FRAS1: variants seen among roughly 807,000 people sequenced by gnomAD.
FRAS1 encodes the protein Fraser extracellular matrix complex subunit 1.
A neutral mutation model predicts 435.2 loss-of-function variants in FRAS1; 290 were observed. The ratio of observed to expected loss-of-function variants is 0.67; its 90% CI spans 0.61 to 0.73. The LOEUF (loss-of-function observed/expected upper bound fraction) is 0.73. FRAS1 is among the 30% of genes least tolerant of loss of function. The pLI, the probability that FRAS1 is intolerant of heterozygous loss-of-function variation, is 0.00. For missense variants in FRAS1, 4,860 were observed against 5,001.5 expected, an observed-to-expected ratio of 0.97 and a Z score of 0.85; for synonymous variants, 1,800 against 1,851.0, an observed-to-expected ratio of 0.97 and a Z score of 0.71.
chr4:78,318,667 T>C (rs1305397097), intron 17 of FRAS1, 143 bp from the exon 18 acceptor site: 6 of 755,808 alleles, frequency 7.9e-6, no homozygotes, highest in African/African-American at 1.8e-5. Flanking sequence ...ATTATCACTC[T>C]GTGCTTTGTA....
chr4:78,245,650 G>A (rs75623799), intron 4 of FRAS1, among the ~76,000 whole-genome samples: 3,388 of 152,226 alleles, frequency 0.022, 60 homozygotes, highest in Non-Finnish European at 0.032. Context: ...TCCTGAGCTG[G>A]TGAGTAGAGC....
At position 78,127,348 on chromosome 4, in the gene FRAS1, A is replaced by G. The variant is rs1026234640; in HGVS notation, c.108+61332A>G. Among the ~76,000 whole-genome samples, 15 of 152,290 alleles carry G rather than the reference A, an allele frequency of 9.8e-5. 1 individual carries two copies. The highest frequency in any genetic ancestry group is 3.6e-4 in the African/African-American group (15 of 41,556). ...TTTTAAGGGCTTTGGACTCTATCTCATGGAAATAGGAATTACTGTAGAGTT... is the reference window on the plus strand; with the variant it reads ...TTTTAAGGGCTTTGGACTCTATCTCGTGGAAATAGGAATTACTGTAGAGTT... On this transcript the variant is annotated intron_variant, in intron 2 of 73. Transcript: ENST00000512123.
intron 20 of FRAS1, among the ~76,000 whole-genome samples, chr4:78,361,134 A>G (rs962077099): frequency 6.6e-5 from 10 of 152,236 alleles, no homozygotes; most frequent in Admixed American, 2.0e-4. Flanking sequence ...TAAGGTAGTC[A>G]TAAAACACTA....
At chr4:78,428,765 G>T (rs889593949) in intron 35 of FRAS1, among the ~76,000 whole-genome samples, 2 of 152,068 alleles carry the variant, frequency 1.3e-5, no homozygotes, top group Admixed American at 6.5e-5. Context: ...AGCATCTATG[G>T]GTGCAGATTT....
At chr4:78,126,441 G>T (rs1475887111) in intron 2 of FRAS1, among the ~76,000 whole-genome samples, 6 of 152,208 alleles carry the variant, frequency 3.9e-5, no homozygotes, top group Non-Finnish European at 8.8e-5. Flanking sequence ...AGATGAACCA[G>T]GTTCCTCAGT....
intron 2 of FRAS1, among the ~76,000 whole-genome samples, chr4:78,175,367 C>A (rs1721724206): frequency 6.6e-6 from 1 of 152,176 alleles, no homozygotes; most frequent in African/African-American, 2.4e-5. Flanking sequence ...GCAACATCTC[C>A]CATCTGTGTG....
intron 2 of FRAS1, among the ~76,000 whole-genome samples, chr4:78,075,139 G>A (rs1175488023): frequency 6.6e-6 from 1 of 152,184 alleles, no homozygotes; most frequent in African/African-American, 2.4e-5. Flanking sequence ...GATAAGAAAG[G>A]CCTGGAGTTA....
chr4:78,112,345 A>G (rs991466930), intron 2 of FRAS1, among the ~76,000 whole-genome samples: 3 of 152,294 alleles, frequency 2.0e-5, no homozygotes, highest in Middle Eastern at 3.4e-3. Context: ...ACATATTTAC[A>G]TTTAGACTTA....
In FRAS1 at chr4:78,218,189, T is replaced by C. The variant is rs566930621; in HGVS notation, c.109-19321T>C. On this transcript the variant is annotated intron_variant, in intron 2 of 73. Transcript: ENST00000512123. The stretch of plus-strand genomic sequence containing the variant: ...TGAAGTATGATAATTCTGTCCATCC[T>C]GGTTTCTCCTCTCTTGGACTCTTAA... Among the ~76,000 whole-genome samples, 25 of 147,906 alleles carry C rather than the reference T, an allele frequency of 1.7e-4. No individual in the cohort carries two copies. The East Asian group carries it at 4.2e-3, about 25-fold the overall frequency.
chr4:78,520,562 T>C (rs1249890125), intron 67 of FRAS1, among the ~76,000 whole-genome samples: 1 of 152,220 alleles, frequency 6.6e-6, no homozygotes, highest in Non-Finnish European at 1.5e-5. Context: ...GTGTAGTATT[T>C]ACATATAACC....
chr4:78,174,712 A>G (rs1403721553), intron 2 of FRAS1, among the ~76,000 whole-genome samples: 1 of 152,216 alleles, frequency 6.6e-6, no homozygotes, highest in Non-Finnish European at 1.5e-5. Flanking sequence ...AAATGACAGG[A>G]TTATAAATCT....
intron 56 of FRAS1, among the ~76,000 whole-genome samples, chr4:78,480,825 A>G (rs1324245370): frequency 6.6e-6 from 1 of 152,196 alleles, no homozygotes; most frequent in Non-Finnish European, 1.5e-5. Flanking sequence ...GGCCTTTCAC[A>G]TCTATGAAGG....
At chr4:78,491,195 C>T (rs547819015) in intron 59 of FRAS1, among the ~76,000 whole-genome samples, 30 of 152,194 alleles carry the variant, frequency 2.0e-4, no homozygotes, top group African/African-American at 7.0e-4. Flanking sequence ...AGCCCAGGAC[C>T]AGACGGATTC....
intron 14 of FRAS1, among the ~76,000 whole-genome samples, chr4:78,288,118 C>A (rs1380897710): frequency 6.6e-6 from 1 of 152,088 alleles, no homozygotes; most frequent in African/African-American, 2.4e-5. Flanking sequence ...AGAAAAGAAC[C>A]CTTAGTGTTT....
rs907745189 is a variant in FRAS1 at position 78,286,555 on chromosome 4, G to T, written c.1534+16G>T. ...TCCTGTGCAGGTAATCTCTGGCTGG[G>T]CCACAGTTGGGCCAGCTACCAAGAC... On this transcript the variant is annotated intron_variant, in intron 14 of 73. Transcript: ENST00000512123. The T allele has an allele frequency of 1.9e-6, 3 of 1,608,820 alleles. No homozygotes were observed. The highest frequency in any genetic ancestry group is 3.3e-5 in the Admixed American group (2 of 59,984).
intron 15 of FRAS1, among the ~76,000 whole-genome samples, chr4:78,312,388 G>A (rs1358923193): frequency 6.6e-6 from 1 of 151,720 alleles, no homozygotes; most frequent in Non-Finnish European, 1.5e-5. Flanking sequence ...TTCTGTTCTT[G>A]TACCACTATC....
At chr4:78,432,015 G>A (rs1237268139) in intron 37 of FRAS1, among the ~76,000 whole-genome samples, 1 of 152,164 alleles carries the variant, frequency 6.6e-6, no homozygotes, top group East Asian at 1.9e-4. Context: ...ATAGAGGCTT[G>A]TTCTTTATTT....
Position 78,424,382 on chromosome 4 carries a change from T to C in FRAS1, c.4679-6T>C. 6.8e-7 allele frequency: 1 copy of C among 1,460,490 alleles called. No individual in the cohort carries two copies. Among genetic ancestry groups the C allele is most frequent in the Non-Finnish European group, 9.2e-7 (1 of 1,088,774 alleles). The allele number at this position is 1,460,490 out of a possible 1,614,324, so 90.5% of individuals were successfully genotyped here. ...AATATACTGATTGTCTCTCTTACTC[T>C]TTTAGGTCTCCCAGAATCAGTGAAA... On this transcript the variant is annotated splice_region_variant and splice_polypyrimidine_tract_variant and intron_variant, in intron 34 of 73. Transcript: ENST00000512123.
chr4:78,475,440 A>G lies in FRAS1; in HGVS notation c.7685A>G (p.Tyr2562Cys). The G allele has an allele frequency of 6.2e-7, 1 of 1,613,908 alleles. No homozygotes were observed. Among genetic ancestry groups the G allele is most frequent in the Non-Finnish European group, 8.5e-7 (1 of 1,179,816 alleles). Residue 2562 changes from tyrosine (Y) to cysteine (C), a missense_variant and splice_region_variant, in exon 54 of 74, where the codon TAC (tyrosine) becomes TGC (cysteine). Tyr to Cys is a radical substitution (Grantham distance 194, BLOSUM62 -2). Transcript: ENST00000512123. Reference sequence around the variant, plus strand: ...GATGCCTTTTTGTGTGCTTCCAGCTACAATGTCAGTGAGAAGGCAGGGTCT... The same window carrying G: ...GATGCCTTTTTGTGTGCTTCCAGCTGCAATGTCAGTGAGAAGGCAGGGTCT... Reference protein sequence around the residue: ...WSLISFKYTSYNVSEKAGSVS... With the variant: ...WSLISFKYTSCNVSEKAGSVS...
Sources: allele counts gnomAD v4.1 joint callset (sites outside exome capture counted in the v4.1 genomes callset), GRCh38; gene constraint gnomAD v4.1.1; transcripts MANE v1.5; gene names NCBI Gene and HGNC (gene_info 2026-07-23, HGNC 2026-07-21).